The following SOX5 variants were observed in gnomAD, a reference collection of about 807,000 sequenced individuals.
SOX5 encodes the protein SRY-box transcription factor 5.
Under a neutral mutation model 92.0 loss-of-function variants are expected in SOX5, and 9 were observed. That is an observed-to-expected ratio of 0.10 (90% CI 0.06 to 0.17). SOX5 has a LOEUF of 0.17. SOX5 is among the 10% of genes least tolerant of loss of function. SOX5 has a pLI of 1.00. For missense variants in SOX5, 642 were observed against 944.5 expected, an observed-to-expected ratio of 0.68 and a Z score of 4.20; for synonymous variants, 344 against 336.3, an observed-to-expected ratio of 1.02 and a Z score of -0.25.
At chr12:23,978,203 G>A (rs550361158) in intron 4 of SOX5, among the ~76,000 whole-genome samples, 5 of 152,150 alleles carry the variant, frequency 3.3e-5, no homozygotes, top group South Asian at 2.1e-4. Flanking sequence ...GATTGACTCA[G>A]GATATTTTCA....
chr12:23,621,020 T>C (rs984742885), intron 8 of SOX5, among the ~76,000 whole-genome samples: 1 of 152,134 alleles, frequency 6.6e-6, no homozygotes, highest in Non-Finnish European at 1.5e-5. Flanking sequence ...CATAGTTGTT[T>C]AATATTTCTC....
chr12:23,950,397 T>C (rs1320680161), upstream of SOX5, among the ~76,000 whole-genome samples: 3 of 152,130 alleles, frequency 2.0e-5, no homozygotes, highest in Non-Finnish European at 4.4e-5. Flanking sequence ...ACTCACTCTG[T>C]CGGTCTCACT....
intron 3 of SOX5, among the ~76,000 whole-genome samples, chr12:23,801,257 C>A (rs59639998): frequency 6.6e-6 from 1 of 152,088 alleles, no homozygotes; most frequent in African/African-American, 2.4e-5. Context: ...TATAAGAAGA[C>A]AGGGTGAAGG....
intron 4 of SOX5, among the ~76,000 whole-genome samples, chr12:23,969,644 T>A (rs1200829469): frequency 1.3e-5 from 2 of 152,250 alleles, no homozygotes; most frequent in African/African-American, 4.8e-5. Flanking sequence ...GTTCTACTTC[T>A]TCTGAGTCAC....
At chr12:24,528,233 CA>C (rs1003991190) in intron 1 of SOX5, among the ~76,000 whole-genome samples, 20 of 152,158 alleles carry the variant, frequency 1.3e-4, no homozygotes, top group Non-Finnish European at 2.8e-4. Context: ...CTCATTTATA[CA>C]AAGTGGCAGA....
chr12:23,783,146 T>C (rs2095314671), intron 3 of SOX5, among the ~76,000 whole-genome samples: 1 of 152,202 alleles, frequency 6.6e-6, no homozygotes, highest in South Asian at 2.1e-4. Flanking sequence ...TATTTTCTTA[T>C]TTTCTTATAA....
intron 1 of SOX5, among the ~76,000 whole-genome samples, chr12:24,381,555 A>T (rs1490773371): frequency 6.6e-6 from 1 of 152,222 alleles, no homozygotes; most frequent in East Asian, 1.9e-4. Context: ...GGGTGAGAGC[A>T]TGTTTTTCTA....
chr12:23,826,007 A>G (rs10842229), intron 3 of SOX5, among the ~76,000 whole-genome samples: 27,286 of 152,124 alleles, frequency 0.18, 2,950 homozygotes, highest in East Asian at 0.52. Flanking sequence ...ACTTATCTTG[A>G]GTTACACTGT....
intron 2 of SOX5, among the ~76,000 whole-genome samples, chr12:24,335,761 TATG>T: frequency 6.6e-6 from 1 of 151,894 alleles, no homozygotes; most frequent in East Asian, 1.9e-4. Flanking sequence ...AAAGTTAAAT[TATG>T]ATCTTAAATA....
intron 4 of SOX5, among the ~76,000 whole-genome samples, chr12:24,153,845 A>G (rs1235241227): frequency 2.6e-5 from 4 of 151,942 alleles, no homozygotes; most frequent in African/African-American, 9.7e-5. Flanking sequence ...TACAAATAAA[A>G]TGTTCTCACT....
chr12:23,683,086 C>A (rs1288499661), intron 6 of SOX5, among the ~76,000 whole-genome samples: 3 of 151,792 alleles, frequency 2.0e-5, no homozygotes, highest in Non-Finnish European at 3.0e-5. Context: ...ATTGTGATAG[C>A]ATTTACACAA....
chr12:23,732,091 TATA>T (rs1344583806), intron 6 of SOX5, among the ~76,000 whole-genome samples: 1 of 152,168 alleles, frequency 6.6e-6, no homozygotes, highest in East Asian at 1.9e-4. Context: ...AAATAAATCT[TATA>T]ATATTTGCTA....
At chr12:24,147,712 G>A (rs1003094892) in intron 4 of SOX5, among the ~76,000 whole-genome samples, 2 of 151,982 alleles carry the variant, frequency 1.3e-5, no homozygotes, top group African/African-American at 4.8e-5. Flanking sequence ...GAGTTTAGAG[G>A]GCTGCAGAAT....
At chr12:24,531,042 T>C (rs1951156227) in intron 1 of SOX5, among the ~76,000 whole-genome samples, 1 of 152,186 alleles carries the variant, frequency 6.6e-6, no homozygotes, top group South Asian at 2.1e-4. Flanking sequence ...GTACACATGA[T>C]TGTGTATATT....
chr12:23,865,519 C>CA (rs2096801145), intron 2 of SOX5, among the ~76,000 whole-genome samples: 1 of 151,658 alleles, frequency 6.6e-6, no homozygotes, highest in Admixed American at 6.6e-5. Flanking sequence ...ACTAAAAATA[C>CA]GAAAAATTAG....
At chr12:24,277,413 AATTTAT>A (rs1453205380) in intron 2 of SOX5, 2 of 77,664 alleles carry the variant, frequency 2.6e-5, no homozygotes, top group Non-Finnish European at 6.9e-5. Context: ...TTTCAAAAGA[AATTTAT>A]ATTTATATAT....
intron 2 of SOX5, among the ~76,000 whole-genome samples, chr12:23,883,815 C>A (rs1349818959): frequency 6.6e-6 from 1 of 152,164 alleles, no homozygotes; most frequent in Non-Finnish European, 1.5e-5. Context: ...CTAGCCTTAA[C>A]AGCATTAAGC....
At chr12:23,725,699 C>T (rs2093072861) in intron 6 of SOX5, among the ~76,000 whole-genome samples, 1 of 152,064 alleles carries the variant, frequency 6.6e-6, no homozygotes, top group Admixed American at 6.6e-5. Flanking sequence ...CAACTGAGAC[C>T]ATTTAGACAG....
chr12:23,891,248 A>G (rs2097127158), intron 2 of SOX5, among the ~76,000 whole-genome samples: 1 of 152,196 alleles, frequency 6.6e-6, no homozygotes, highest in Admixed American at 6.5e-5. Flanking sequence ...TCTCCAAAAT[A>G]GTGAGGCAAT....
Sources: gnomAD v4.1 joint callset for allele counts (sites outside exome capture counted in the v4.1 genomes callset) on GRCh38, gnomAD v4.1.1 for gene constraint, MANE v1.5 for transcripts, NCBI Gene and HGNC (gene_info 2026-07-23, HGNC 2026-07-21) for gene names.